The following LYZ variants were observed in gnomAD, a reference collection of about 807,000 sequenced individuals.
The protein encoded by LYZ is lysozyme.
In LYZ, 18 loss-of-function variants were observed where a neutral mutation model predicts 15.8. The ratio of observed to expected loss-of-function variants is 1.14; its 90% CI spans 0.79 to 1.69. The LOEUF (loss-of-function observed/expected upper bound fraction) is 1.69, where lower values mean the gene tolerates loss of function less well. Among genes scored for constraint, LYZ ranks in the 40% most tolerant of loss-of-function variants. The pLI, the probability that LYZ is intolerant of heterozygous loss-of-function variation, is 0.00. For synonymous variants in LYZ, 60 were observed against 61.7 expected (o/e 0.97, Z 0.13); for missense variants, 139 against 182.8 (o/e 0.76, Z 1.38).
rs1371922145 is a variant in LYZ at position 69,352,319 on chromosome 12, G to A, written c.380+21G>A. 5 of 1,581,644 alleles carry A rather than the reference G, an allele frequency of 3.2e-6. No individual in the cohort carries two copies. In the African/African-American group the frequency reaches 6.7e-5, roughly 21 times the overall value. On this transcript the variant is annotated intron_variant, in intron 3 of 3. Coordinates refer to ENST00000261267, the MANE Select transcript of LYZ (RefSeq NM_000239.3). ...GCATGGTATGTTTTAAGTGTTAAAA[G>A]GGAAAACTATCTTACTCTACTGTTG...
intron 2 of LYZ, chr12:69,350,548 G>T: frequency 5.3e-6 from 2 of 375,328 alleles, no homozygotes; most frequent in South Asian, 2.8e-5. Flanking sequence ...CAATGCCATT[G>T]CTCCTGCTTA....
intron 2 of LYZ, among the ~76,000 whole-genome samples, chr12:69,350,889 A>G (rs1824960264): frequency 6.6e-6 from 1 of 151,308 alleles, no homozygotes; most frequent in Admixed American, 6.6e-5. Flanking sequence ...TCATCCCACC[A>G]CAGCCTCCCA....
Position 69,353,722 on chromosome 12 carries a change from T to TCAGG in LYZ, c.*503_*504insCAGG. 2 of 175,834 alleles carry TCAGG rather than the reference T, an allele frequency of 1.1e-5. No individual in the cohort carries two copies. The highest frequency in any genetic ancestry group is 2.4e-5 in the Non-Finnish European group (2 of 82,002). 10.9% of individuals were successfully genotyped at this position (175,834 alleles called of 1,614,324 possible). A position where few individuals can be genotyped will look rare whatever the true frequency, so the allele number is the denominator to read the frequency against. On this transcript the variant is annotated 3_prime_UTR_variant, in exon 4 of 4. Coordinates refer to ENST00000261267, the MANE Select transcript of LYZ (RefSeq NM_000239.3). ...CCAGGATGGTCTCGATCTCCTGACC[T>TCAGG]TGTGATCCACCCACCTCGGCCTCCC...
chr12:69,352,361 C>G, intron 3 of LYZ, 63 bp downstream of exon 3: 2 of 1,388,924 alleles, frequency 1.4e-6, no homozygotes, highest in South Asian at 2.4e-5. Context: ...ACAATGAGAG[C>G]AGACTTTTAA....
In LYZ at chr12:69,353,707, C is replaced by G. The variant is rs1450808467; in HGVS notation, c.*488C>G. ...GTTTCACCGTGTTAGCCAGGATGGTCTCGATCTCCTGACCTTGTGATCCAC... is the reference window on the plus strand; with the variant it reads ...GTTTCACCGTGTTAGCCAGGATGGTGTCGATCTCCTGACCTTGTGATCCAC... On this transcript the variant is annotated 3_prime_UTR_variant, in exon 4 of 4. Transcript: ENST00000261267. 3 of 187,482 alleles carry G rather than the reference C, an allele frequency of 1.6e-5. No individual in the cohort carries two copies. Among genetic ancestry groups the G allele is most frequent in the African/African-American group, 4.8e-5 (2 of 41,786 alleles). 11.6% of individuals were successfully genotyped at this position (187,482 alleles called of 1,614,324 possible).
chr12:69,350,289 T>G lies in LYZ; in HGVS notation c.301+17T>G. On this transcript the variant is annotated intron_variant, in intron 2 of 3. Coordinates refer to ENST00000261267, the MANE Select transcript of LYZ (RefSeq NM_000239.3). ...CCTGCAGTGGTAAGACAAGCTAATA[T>G]TTGACCAATCTGGTTATACTTACAA... The G allele has an allele frequency of 6.2e-7, 1 of 1,613,862 alleles. No homozygotes were observed. Among genetic ancestry groups the G allele is most frequent in the Non-Finnish European group, 8.5e-7 (1 of 1,179,788 alleles).
chr12:69,352,587 G>A (rs893999712), intron 3 of LYZ, among the ~76,000 whole-genome samples: 1 of 152,086 alleles, frequency 6.6e-6, no homozygotes, highest in African/African-American at 2.4e-5. Flanking sequence ...GAATAAGTAA[G>A]TGTGGGCCGG....
At position 69,350,709 on chromosome 12, in the gene LYZ, C is replaced by T. The variant is rs35913784; in HGVS notation, c.301+437C>T. On this transcript the variant is annotated intron_variant, in intron 2 of 3. Transcript: ENST00000261267. ...CATTATGCACTTTAAAAGTTGTTAA[C>T]ATTTTGCCATAGTTGCTTCTTCTAT... Among the ~76,000 whole-genome samples, 470 of 105,246 alleles carry T rather than the reference C, an allele frequency of 4.5e-3. 1 individual carries two copies. Among genetic ancestry groups the T allele is most frequent in the Non-Finnish European group, 6.6e-3 (345 of 52,358 alleles). 69.0% of individuals were successfully genotyped at this position (105,246 alleles called of 152,430 possible). A position where few individuals can be genotyped will look rare whatever the true frequency, so the allele number is the denominator to read the frequency against.
At position 69,353,158 on chromosome 12, in the gene LYZ, C is replaced by T; in HGVS notation, c.386C>T (p.Ala129Val). The part of the protein sequence containing the change: ...RDPQGIRAWV[A>V]WRNRCQNRDV... ...TGCTTCATCTTTTTCTACAGGGTGG[C>T]ATGGAGAAATCGTTGTCAAAACAGA... Residue 129 changes from alanine (A) to valine (V), a missense_variant, in exon 4 of 4, where the codon GCA (alanine) becomes GTA (valine). By Grantham distance (64) the Ala-to-Val change is moderately conservative. Coordinates refer to ENST00000261267, the MANE Select transcript of LYZ (RefSeq NM_000239.3). The T allele has an allele frequency of 6.2e-7, 1 of 1,612,984 alleles. No homozygotes were observed. Among genetic ancestry groups the T allele is most frequent in the Non-Finnish European group, 8.5e-7 (1 of 1,178,966 alleles).
At position 69,353,294 on chromosome 12, in the gene LYZ, C is replaced by CT; in HGVS notation, c.*76dup. On this transcript the variant is annotated 3_prime_UTR_variant, in exon 4 of 4. Coordinates refer to ENST00000261267, the MANE Select transcript of LYZ (RefSeq NM_000239.3). ...AGTAGGAATTAAGTGAAAGGTCACA[C>CT]TACCATTATTTCCCCTTCAAACAAA... The CT allele has an allele frequency of 9.1e-7, 1 of 1,093,820 alleles. No homozygotes were observed. The highest frequency in any genetic ancestry group is 1.2e-5 in the South Asian group (1 of 80,588). The allele number at this position is 1,093,820 out of a possible 1,614,324, so 67.8% of individuals were successfully genotyped here.
chr12:69,350,361 G>A, intron 2 of LYZ, 89 bp downstream of exon 2: 1 of 1,364,128 alleles, frequency 7.3e-7, no homozygotes, highest in Non-Finnish European at 1.0e-6. Context: ...GGTTCATGAG[G>A]GACCTAGAAA....
rs60163961 is a variant in LYZ at position 69,350,737 on chromosome 12, C to CTTTTTTTTTT, written c.301+488_301+497dup. On this transcript the variant is annotated intron_variant, in intron 2 of 3. Transcript: ENST00000261267. ...TTTGCCATAGTTGCTTCTTCTATGC[C>CTTTTTTTTTT]TTTTTTTTTTTTTTTTTTTTTTTTT... is the stretch of plus-strand genomic sequence containing the variant. 4.2e-4 allele frequency among the ~76,000 whole-genome samples: 11 copies of CTTTTTTTTTT among 26,040 alleles called. 1 individual carries two copies. Among genetic ancestry groups the CTTTTTTTTTT allele is most frequent in the African/African-American group, 1.1e-3 (11 of 9,918 alleles). The allele number at this position is 26,040 out of a possible 152,430, so 17.1% of individuals were successfully genotyped here.
rs1292515478 is a variant in LYZ at position 69,353,975 on chromosome 12, T to C, written c.*756T>C. ...AAAAACAGTAAAAATAACCACTTTT[T>C]GTTGGGCAATATGAAATTTTTAAAG... On this transcript the variant is annotated 3_prime_UTR_variant, in exon 4 of 4. Coordinates refer to ENST00000261267, the MANE Select transcript of LYZ (RefSeq NM_000239.3). 6.6e-6 allele frequency: 1 copy of C among 152,168 alleles called. No homozygotes were observed. Among genetic ancestry groups the C allele is most frequent in the Non-Finnish European group, 1.5e-5 (1 of 68,026 alleles). The allele number at this position is 152,168 out of a possible 1,614,324, so 9.4% of individuals were successfully genotyped here. A position where few individuals can be genotyped will look rare whatever the true frequency, so the allele number is the denominator to read the frequency against.
chr12:69,350,966 A>G (rs1874833111), intron 2 of LYZ, among the ~76,000 whole-genome samples: 2 of 151,620 alleles, frequency 1.3e-5, no homozygotes, highest in Non-Finnish European at 2.9e-5. Flanking sequence ...GTACAGGCAA[A>G]TTCTGTGTTG....
intron 2 of LYZ, among the ~76,000 whole-genome samples, chr12:69,351,051 G>A (rs112295070): frequency 2.6e-5 from 4 of 152,084 alleles, no homozygotes; most frequent in African/African-American, 7.2e-5. Context: ...AATTACAGGC[G>A]TTAGCCACTG....
Position 69,350,154 on chromosome 12 carries a change from A to G in LYZ, c.183A>G (p.Thr61=). Reference sequence around the variant, plus strand: ...AGAGTGGTTACAACACACGAGCTACAAACTACAATGCTGGAGACAGAAGCA... The same window carrying G: ...AGAGTGGTTACAACACACGAGCTACGAACTACAATGCTGGAGACAGAAGCA... ...KWESGYNTRA[T]NYNAGDRSTD... The change falls in exon 2 of 4, where the codon ACA becomes ACG. Residue 61 remains threonine (T), a synonymous_variant. Coordinates refer to ENST00000261267, the MANE Select transcript of LYZ (RefSeq NM_000239.3). 1 of 1,614,180 alleles carries G rather than the reference A, an allele frequency of 6.2e-7. No individual in the cohort carries two copies. The highest frequency in any genetic ancestry group is 8.5e-7 in the Non-Finnish European group (1 of 1,179,998).
chr12:69,353,361 C>T lies in LYZ; in HGVS notation c.*142C>T, dbSNP rs1874886699. The T allele has an allele frequency of 1.3e-6, 1 of 741,000 alleles. No homozygotes were observed. The highest frequency in any genetic ancestry group is 1.7e-5 in the African/African-American group (1 of 57,768). The allele number at this position is 741,000 out of a possible 1,614,324, so 45.9% of individuals were successfully genotyped here. A position where few individuals can be genotyped will look rare whatever the true frequency, so the allele number is the denominator to read the frequency against. On this transcript the variant is annotated 3_prime_UTR_variant, in exon 4 of 4. Coordinates refer to ENST00000261267, the MANE Select transcript of LYZ (RefSeq NM_000239.3). ...GCAGGAGCAAAATATGGCCTTTCTT[C>T]TAAGAGATATAATGTTCACTAATGT... is the stretch of plus-strand genomic sequence containing the variant.
rs1874903388 is a variant in LYZ, at chr12:69,353,788, A to C, written c.*569A>C. 6.3e-6 allele frequency: 1 copy of C among 158,518 alleles called. No homozygotes were observed. Among genetic ancestry groups the C allele is most frequent in the Non-Finnish European group, 1.4e-5 (1 of 71,824 alleles). 9.8% of individuals were successfully genotyped at this position (158,518 alleles called of 1,614,324 possible). On this transcript the variant is annotated 3_prime_UTR_variant, in exon 4 of 4. Transcript: ENST00000261267. ...CAGGCGTGAGCCACTGCGCCCGGCC[A>C]CATTCAGTTCTTATCAAAGAAATAA... is the stretch of plus-strand genomic sequence containing the variant.
intron 3 of LYZ, 72 bp downstream of exon 3, chr12:69,352,370 A>G (rs1235089588): frequency 8.2e-7 from 1 of 1,222,950 alleles, no homozygotes; most frequent in Non-Finnish European, 1.2e-6. Context: ...GCAGACTTTT[A>G]AAGACCAAAG....
Sources: allele counts gnomAD v4.1 joint callset (sites outside exome capture counted in the v4.1 genomes callset), GRCh38; gene constraint gnomAD v4.1.1; transcripts MANE v1.5; gene names NCBI Gene and HGNC (gene_info 2026-07-23, HGNC 2026-07-21).